Variants in FRMPD4 observed in about 807,000 individuals in gnomAD.
The protein encoded by FRMPD4 is FERM and PDZ domain containing 4, also known as FERM and PDZ domain-containing protein 4.
In FRMPD4, 22 loss-of-function variants were observed where a neutral mutation model predicts 94.1. The observed-to-expected ratio is 0.23, with a 90% CI of 0.17 to 0.33. The LOEUF (loss-of-function observed/expected upper bound fraction) is 0.33, where lower values mean the gene tolerates loss of function less well. Ranked by LOEUF, FRMPD4 falls within the 10% of genes least tolerant of loss-of-function variation. FRMPD4 has a pLI of 1.00. For synonymous variants in FRMPD4, 631 were observed against 548.6 expected, an observed-to-expected ratio of 1.15 and a Z score of -2.10; for missense variants, 1,111 against 1,339.9, an observed-to-expected ratio of 0.83 and a Z score of 2.67.
Position 12,498,178 on chromosome X carries a change from T to C in FRMPD4, c.42-502T>C, listed in dbSNP as rs188688529. 5.4e-5 allele frequency among the ~76,000 whole-genome samples: 6 copies of C among 111,892 alleles called. No homozygotes were observed. The East Asian group carries it at 1.4e-3, about 26-fold the overall frequency. On this transcript the variant is annotated intron_variant, in intron 1 of 16. Coordinates refer to ENST00000675598, the MANE Select transcript of FRMPD4 (RefSeq NM_001368397.1). Reference sequence around the variant, plus strand: ...ACAGGCTATGCAGTGAATAACTTCATCTGAAGTGAAAGGACCAAGTGATGA... The same window carrying C: ...ACAGGCTATGCAGTGAATAACTTCACCTGAAGTGAAAGGACCAAGTGATGA...
At chrX:12,583,378 G>A in intron 2 of FRMPD4, 4 of 928,354 alleles carry the variant, frequency 4.3e-6, no homozygotes, top group Admixed American at 2.3e-5. Context: ...TGAGACGGCC[G>A]GTCCAGGGAA....
chrX:11,917,915 C>CA (rs1168288184), intron 3 of FRMPD4, among the ~76,000 whole-genome samples: 1 of 109,544 alleles, frequency 9.1e-6, no homozygotes, highest in African/African-American at 3.3e-5. Flanking sequence ...TAATAGCCAT[C>CA]AAAAGAAAGA....
At chrX:12,067,813 A>G (rs1389398336) in intron 3 of FRMPD4, among the ~76,000 whole-genome samples, 1 of 112,326 alleles carries the variant, frequency 8.9e-6, no homozygotes, top group East Asian at 2.8e-4. Flanking sequence ...TCAGTATAGT[A>G]CATCTTTTCC....
Position 12,046,258 on chromosome X carries a change from A to C in FRMPD4, c.95+168240A>C, listed in dbSNP as rs374049622. Reference sequence around the variant, plus strand: ...GGACCACATTCTTCAACCATGATGCAATAAAGTTCGAAATCAGTAACAAAC... The same window carrying C: ...GGACCACATTCTTCAACCATGATGCCATAAAGTTCGAAATCAGTAACAAAC... On this transcript the variant is annotated intron_variant, in intron 3 of 18. Coordinates refer to the FRMPD4 transcript ENST00000640291. Among the ~76,000 whole-genome samples, 26 of 111,414 alleles carry C rather than the reference A, an allele frequency of 2.3e-4. No individual in the cohort carries two copies. In the East Asian group the frequency reaches 6.8e-3, roughly 29 times the overall value.
At chrX:12,153,624 TA>T (rs2055893932) in intron 1 of FRMPD4, among the ~76,000 whole-genome samples, 1 of 112,608 alleles carries the variant, frequency 8.9e-6, no homozygotes, top group Non-Finnish European at 1.9e-5. Context: ...AAAGGCTAGC[TA>T]TTATAGGTAT....
At chrX:12,175,900 A>G (rs1363603113) in intron 1 of FRMPD4, among the ~76,000 whole-genome samples, 1 of 111,790 alleles carries the variant, frequency 8.9e-6, no homozygotes, top group African/African-American at 3.3e-5. Flanking sequence ...TGGTTCTCAA[A>G]CTTAGTTTCA....
chrX:11,949,242 T>C (rs1464491239), intron 3 of FRMPD4, among the ~76,000 whole-genome samples: 1 of 112,061 alleles, frequency 8.9e-6, no homozygotes, highest in African/African-American at 3.2e-5. Context: ...TAGGACTGTG[T>C]GGTGTCTGGT....
intron 1 of FRMPD4, among the ~76,000 whole-genome samples, chrX:12,460,186 T>C (rs769951819): frequency 1.5e-4 from 17 of 112,218 alleles, no homozygotes; most frequent in Non-Finnish European, 2.6e-4. Context: ...ATACTTCACG[T>C]ATATTTTCTC....
chrX:12,341,876 A>G (rs1221126691), intron 1 of FRMPD4, among the ~76,000 whole-genome samples: 1 of 112,270 alleles, frequency 8.9e-6, no homozygotes, highest in Non-Finnish European at 1.9e-5. Context: ...CTGGATCACC[A>G]TAGTTAATCA....
chrX:12,033,571 C>T (rs769044672), intron 3 of FRMPD4, among the ~76,000 whole-genome samples: 121 of 111,255 alleles, frequency 1.1e-3, no homozygotes, highest in Admixed American at 2.2e-3. Flanking sequence ...TGGACTATTA[C>T]GGGATAAACA....
intron 3 of FRMPD4, among the ~76,000 whole-genome samples, chrX:11,999,076 T>C (rs2054510758): frequency 8.9e-6 from 1 of 111,873 alleles, no homozygotes; most frequent in Admixed American, 9.5e-5. Flanking sequence ...ACACAGTAAA[T>C]AATAGTTGAT....
intron 1 of FRMPD4, among the ~76,000 whole-genome samples, chrX:12,242,288 C>T (rs1001045957): frequency 9.0e-6 from 1 of 111,536 alleles, no homozygotes; most frequent in Non-Finnish European, 1.9e-5. Flanking sequence ...TAATGGTCAT[C>T]TCTGTTCAAC....
intron 2 of FRMPD4, among the ~76,000 whole-genome samples, chrX:11,870,448 TAAGGGCAGTGAA>T (rs1367424241): frequency 9.0e-6 from 1 of 111,577 alleles, no homozygotes; most frequent in Admixed American, 9.5e-5. Flanking sequence ...CTTATGAACC[TAAGGGCAGTGAA>T]AAGGGCAGTG....
chrX:12,091,419 C>T (rs1166472134), intron 3 of FRMPD4, among the ~76,000 whole-genome samples: 1 of 111,985 alleles, frequency 8.9e-6, no homozygotes, highest in Non-Finnish European at 1.9e-5. Context: ...AGAAAGCAGC[C>T]ATAAACAATA....
chrX:12,198,119 A>G (rs911422129), intron 1 of FRMPD4, among the ~76,000 whole-genome samples: 5 of 112,011 alleles, frequency 4.5e-5, no homozygotes, highest in Admixed American at 9.5e-5. Flanking sequence ...GAATATATTA[A>G]TACTATGGGA....
At chrX:12,353,939 G>A (rs921949998) in intron 1 of FRMPD4, among the ~76,000 whole-genome samples, 6 of 111,779 alleles carry the variant, frequency 5.4e-5, no homozygotes, top group African/African-American at 2.0e-4. Flanking sequence ...AGAAAGACAC[G>A]ACTACTGTAT....
chrX:12,128,144 C>G, intron 3 of FRMPD4, among the ~76,000 whole-genome samples: 1 of 113,147 alleles, frequency 8.8e-6, no homozygotes, highest in Middle Eastern at 4.6e-3. Context: ...CTCACAGCTC[C>G]AACCCCACAT....
chrX:12,618,837 A>T lies in FRMPD4; in HGVS notation c.422+3956A>T, dbSNP rs958619935. On this transcript the variant is annotated intron_variant, in intron 4 of 16. Coordinates refer to ENST00000675598, the MANE Select transcript of FRMPD4 (RefSeq NM_001368397.1). Reference sequence around the variant, plus strand: ...TCCATCCAGAGAAACCCACGTGTATACAAAGTTCTGCATACAATATTAGAA... The same window carrying T: ...TCCATCCAGAGAAACCCACGTGTATTCAAAGTTCTGCATACAATATTAGAA... Among the ~76,000 whole-genome samples the T allele has an allele frequency of 1.2e-4, 13 of 111,613 alleles. No homozygotes were observed. In the South Asian group the frequency reaches 2.3e-3, roughly 19 times the overall value.
chrX:12,110,283 T>G (rs1225137461), intron 3 of FRMPD4, among the ~76,000 whole-genome samples: 2 of 111,946 alleles, frequency 1.8e-5, no homozygotes, highest in Admixed American at 1.9e-4. Context: ...ATCAATAAAC[T>G]TAATCCAGCA....
Sources: allele counts gnomAD v4.1 joint callset (sites outside exome capture counted in the v4.1 genomes callset), GRCh38; gene constraint gnomAD v4.1.1; transcripts MANE v1.5; gene names NCBI Gene and HGNC (gene_info 2026-07-23, HGNC 2026-07-21).